Variants in YWHAQ observed in about 807,000 individuals in gnomAD.
YWHAQ encodes the protein tyrosine 3-monooxygenase/tryptophan 5-monooxygenase activation protein theta.
Under a neutral mutation model 28.3 loss-of-function variants are expected in YWHAQ, and 6 were observed. The ratio of observed to expected loss-of-function variants is 0.21; its 90% CI spans 0.12 to 0.42. The LOEUF is 0.42. YWHAQ is among the 10% of genes least tolerant of loss of function. The pLI is 1.00. For missense variants in YWHAQ, 201 were observed against 305.6 expected (o/e 0.66, Z 2.55); for synonymous variants, 143 against 119.1 (o/e 1.20, Z -1.31).
intron 5 of YWHAQ, among the ~76,000 whole-genome samples, chr2:9,586,371 A>G (rs1666344167): frequency 6.6e-6 from 1 of 152,252 alleles, no homozygotes; most frequent in South Asian, 2.1e-4. Context: ...TTAATTTCAG[A>G]AAAGCCAGAA....
intron 2 of YWHAQ, among the ~76,000 whole-genome samples, chr2:9,609,940 A>G (rs1350958137): frequency 4.6e-5 from 7 of 152,352 alleles, no homozygotes; most frequent in African/African-American, 1.7e-4. Context: ...TTAACAGTCC[A>G]AAATAAGAGT....
At chr2:9,593,975 A>C in intron 2 of YWHAQ, among the ~76,000 whole-genome samples, 1 of 103,704 alleles carries the variant, frequency 9.6e-6, no homozygotes, top group South Asian at 2.7e-4. Flanking sequence ...GAGGAAGTTA[A>C]AACACACACA....
chr2:9,599,757 C>T (rs1666651543), intron 2 of YWHAQ, among the ~76,000 whole-genome samples: 1 of 152,140 alleles, frequency 6.6e-6, no homozygotes, highest in Admixed American at 6.6e-5. Flanking sequence ...GGGAGATGTA[C>T]AAGATTAATG....
intron 2 of YWHAQ, among the ~76,000 whole-genome samples, chr2:9,601,381 C>T (rs113252799): frequency 4.6e-5 from 7 of 152,066 alleles, no homozygotes; most frequent in Non-Finnish European, 8.8e-5. Flanking sequence ...ACTGCTTGAA[C>T]CCAGGAGGCA....
At position 9,630,165 on chromosome 2, in the gene YWHAQ, C is replaced by T. The variant is rs776433787; in HGVS notation, c.288G>A (p.Thr96=). The T allele has an allele frequency of 4.3e-6, 7 of 1,613,048 alleles. No homozygotes were observed. In the Admixed American group the frequency reaches 8.3e-5, roughly 19 times the overall value. Residue 96 remains threonine, a synonymous_variant, in exon 2 of 6, where the codon ACG becomes ACA. Transcript: ENST00000238081. The surrounding 1 kb of genome is among the most constrained non-coding windows in gnomAD (Gnocchi z 5.6). ...VESELRSICT[T]VLELLDKYLI... ...CCCCGCGCCGAGGACTCACCAGCAC[C>T]GTGGTGCAGATGGATCTCAGCTCGG...
Position 9,618,221 on chromosome 2 carries a change from A to G in YWHAQ, c.294+11938T>C, listed in dbSNP as rs991470025. Among the ~76,000 whole-genome samples the G allele has an allele frequency of 5.9e-5, 9 of 152,340 alleles. No individual in the cohort carries two copies. The South Asian group carries it at 1.9e-3, about 32-fold the overall frequency. ...TGAATAAACTAAAAACCACAGAATC[A>G]TATTTAAAAAGGTAAAATTTATGGT... On this transcript the variant is annotated intron_variant, in intron 2 of 5. Transcript: ENST00000238081.
At chr2:9,607,276 C>T (rs2125068502) in intron 2 of YWHAQ, among the ~76,000 whole-genome samples, 1 of 150,750 alleles carries the variant, frequency 6.6e-6, no homozygotes, top group East Asian at 2.0e-4. Flanking sequence ...TCTCGGCTCA[C>T]TGCAACGTCC....
intron 2 of YWHAQ, among the ~76,000 whole-genome samples, chr2:9,626,999 G>A (rs568972132): frequency 4.6e-5 from 7 of 152,152 alleles, no homozygotes; most frequent in South Asian, 4.1e-4. Flanking sequence ...CAAAGTCTTC[G>A]GTTTTACAAT....
intron 2 of YWHAQ, among the ~76,000 whole-genome samples, chr2:9,596,178 A>T (rs983656185): frequency 6.6e-6 from 1 of 152,180 alleles, no homozygotes; most frequent in Non-Finnish European, 1.5e-5. Flanking sequence ...AATAATATTA[A>T]TGCAAATTTA....
intron 2 of YWHAQ, among the ~76,000 whole-genome samples, chr2:9,627,195 T>C (rs181212616): frequency 7.0e-4 from 107 of 152,348 alleles, no homozygotes; most frequent in South Asian, 1.9e-3. Flanking sequence ...TTTGAATACA[T>C]GGTTTAAGTA....
intron 2 of YWHAQ, 132 bp from the exon 3 acceptor site, chr2:9,591,647 G>T: frequency 8.6e-7 from 1 of 1,162,220 alleles, no homozygotes; most frequent in Non-Finnish European, 1.2e-6. Flanking sequence ...ATACCAGCCT[G>T]GACTTGAAGC....
At chr2:9,609,533 T>G (rs11681780) in intron 2 of YWHAQ, among the ~76,000 whole-genome samples, 2,681 of 152,092 alleles carry the variant, frequency 0.018, 79 homozygotes, top group African/African-American at 0.062. Context: ...AGACTTCCAG[T>G]AATGGGATAA....
rs1271934116 is a variant in YWHAQ, at chr2:9,587,396, A to G, written c.678+18T>C. On this transcript the variant is annotated intron_variant, in intron 5 of 5. Transcript: ENST00000238081. The stretch of plus-strand genomic sequence containing the variant: ...TGTTTCTGAAAAGAAAATAAAATTA[A>G]AAGAGTAAACAACTCACTGTTAGGT... The G allele has an allele frequency of 6.3e-7, 1 of 1,579,490 alleles. No homozygotes were observed.
chr2:9,596,518 T>C (rs1243284421), intron 2 of YWHAQ, among the ~76,000 whole-genome samples: 1 of 152,166 alleles, frequency 6.6e-6, no homozygotes, highest in Non-Finnish European at 1.5e-5. Context: ...AAAAATGTTC[T>C]AAGAAGTTTC....
At chr2:9,599,800 C>A (rs1005703918) in intron 2 of YWHAQ, among the ~76,000 whole-genome samples, 1 of 152,182 alleles carries the variant, frequency 6.6e-6, no homozygotes, top group Non-Finnish European at 1.5e-5. Flanking sequence ...AAAACAACAT[C>A]CATTCTGCAG....
intron 2 of YWHAQ, among the ~76,000 whole-genome samples, chr2:9,616,443 C>CAAA (rs748362781): frequency 5.7e-4 from 51 of 89,638 alleles, no homozygotes; most frequent in African/African-American, 1.7e-3. Flanking sequence ...CATAAGCAAC[C>CAAA]AAAAAAAAAA....
intron 2 of YWHAQ, chr2:9,628,956 A>T (rs550218376): frequency 6.6e-6 from 1 of 151,934 alleles, no homozygotes; most frequent in South Asian, 2.1e-4. Flanking sequence ...GTATTAGAAA[A>T]ATAGATAGGT....
chr2:9,594,557 C>G (rs753236756), intron 2 of YWHAQ, among the ~76,000 whole-genome samples: 54 of 152,280 alleles, frequency 3.5e-4, no homozygotes, highest in Non-Finnish European at 6.6e-4. Flanking sequence ...AATACCACCT[C>G]TGCCTGTACC....
chr2:9,629,516 G>C (rs763921681), intron 2 of YWHAQ, among the ~76,000 whole-genome samples: 1 of 152,128 alleles, frequency 6.6e-6, no homozygotes, highest in Non-Finnish European at 1.5e-5. Context: ...TTCAACACTA[G>C]TGTTTAAGCA....
Sources: gnomAD v4.1 joint callset for allele counts (sites outside exome capture counted in the v4.1 genomes callset) on GRCh38, gnomAD v4.1.1 for gene constraint, Gnocchi (gnomAD v3.1) non-coding constraint, MANE v1.5 for transcripts, NCBI Gene and HGNC (gene_info 2026-07-23, HGNC 2026-07-21) for gene names.